Variants in RYR2 observed in about 807,000 individuals in gnomAD.
RYR2 encodes ryanodine receptor 2, also known as cardiac muscle ryanodine receptor-calcium release channel.
RYR2 carries 227 observed loss-of-function variants against 601.1 expected under a neutral mutation model. The observed-to-expected ratio is 0.38, with a 90% CI of 0.34 to 0.42. The LOEUF (loss-of-function observed/expected upper bound fraction) is 0.42, where lower values mean the gene tolerates loss of function less well. Among genes scored for constraint, RYR2 ranks in the 10% least tolerant of loss-of-function variants. The probability of loss-of-function intolerance (pLI) is 1.00; values close to 1 mark genes in which losing one functional copy is unlikely to be tolerated. For synonymous variants in RYR2, 2,223 were observed against 2,175.1 expected (o/e 1.02, Z -0.61); for missense variants, 4,646 against 6,156.5 (o/e 0.75, Z 8.21).
chr1:237,064,533 A>G (rs943456834), intron 1 of RYR2, among the ~76,000 whole-genome samples: 7 of 152,078 alleles, frequency 4.6e-5, no homozygotes, highest in Non-Finnish European at 2.9e-5. Context: ...TATTGGACAT[A>G]ATGTAAGAAA....
chr1:237,663,781 T>C (rs999254846), intron 56 of RYR2, among the ~76,000 whole-genome samples: 3 of 152,204 alleles, frequency 2.0e-5, no homozygotes, highest in Non-Finnish European at 2.9e-5. Context: ...ATGTCCTTTG[T>C]TTACCATGAA....
intron 84 of RYR2, among the ~76,000 whole-genome samples, chr1:237,766,794 T>G (rs188187162): frequency 1.7e-3 from 263 of 152,342 alleles, no homozygotes; most frequent in African/African-American, 5.7e-3. Context: ...TGTACTTTAA[T>G]TCTGTTATCC....
chr1:237,735,986 TAAA>T (rs894495621), intron 79 of RYR2, among the ~76,000 whole-genome samples: 16 of 152,260 alleles, frequency 1.1e-4, no homozygotes, highest in African/African-American at 3.4e-4. Context: ...TAAAGTAACA[TAAA>T]AATATATGCC....
chr1:237,815,901 C>G (rs933543913), intron 100 of RYR2, among the ~76,000 whole-genome samples: 2 of 152,142 alleles, frequency 1.3e-5, no homozygotes, highest in African/African-American at 4.8e-5. Context: ...ACAAACACCT[C>G]TATGGGAAGC....
chr1:237,546,993 A>ATATATATATATTTATT (rs746133377), intron 25 of RYR2, among the ~76,000 whole-genome samples: 20 of 127,398 alleles, frequency 1.6e-4, no homozygotes, highest in African/African-American at 4.5e-4. Context: ...ATATATATAT[A>ATATATATATATTTATT]TATTTATTTA....
chr1:237,584,656 T>TTTTTTTG (rs1559066715), intron 29 of RYR2, among the ~76,000 whole-genome samples: 3 of 38,528 alleles, frequency 7.8e-5, no homozygotes, highest in African/African-American at 2.3e-4. Flanking sequence ...CCTGTTTTTT[T>TTTTTTTG]TTTTTTTTTT....
At position 237,708,936 on chromosome 1, in the gene RYR2, A is replaced by G; in HGVS notation, c.9980A>G (p.Lys3327Arg). 6.2e-7 allele frequency: 1 copy of G among 1,613,510 alleles called. No individual in the cohort carries two copies. The highest frequency in any genetic ancestry group is 1.7e-4 in the Middle Eastern group (1 of 6,056). ...THFLPLMEKL[K>R]KKAATVVSEE... is the part of the protein sequence containing the mutation. ...TTCTTGCCGTTAATGGAGAAACTCA[A>G]GAAAAAGGCAGCTACGGTGGTGTCT... Residue 3327 changes from lysine to arginine, a missense_variant, in exon 69 of 105, where the codon AAG (lysine) becomes AGG (arginine). Lys to Arg is a conservative substitution (Grantham distance 26). Coordinates refer to ENST00000366574, the MANE Select transcript of RYR2 (RefSeq NM_001035.3).
chr1:237,680,054 A>G (rs559775898), intron 61 of RYR2, among the ~76,000 whole-genome samples: 1 of 152,308 alleles, frequency 6.6e-6, no homozygotes, highest in East Asian at 1.9e-4. Flanking sequence ...TAATACCCAT[A>G]ATGCAGGGAT....
intron 2 of RYR2, among the ~76,000 whole-genome samples, chr1:237,306,790 T>C (rs534415094): frequency 1.3e-5 from 2 of 152,166 alleles, no homozygotes; most frequent in Non-Finnish European, 2.9e-5. Context: ...TTGAAGAATT[T>C]GGGGCATGAA....
intron 1 of RYR2, among the ~76,000 whole-genome samples, chr1:237,245,537 A>G (rs1007825970): frequency 6.6e-6 from 1 of 152,146 alleles, no homozygotes; most frequent in Non-Finnish European, 1.5e-5. Flanking sequence ...GCTGTCAAAA[A>G]CAAATCCTCC....
At chr1:237,198,788 G>T (rs559128892) in intron 1 of RYR2, among the ~76,000 whole-genome samples, 3 of 151,382 alleles carry the variant, frequency 2.0e-5, no homozygotes, top group Non-Finnish European at 2.9e-5. Flanking sequence ...ACTTGCAAAG[G>T]ATTCAGAAAA....
intron 81 of RYR2, 123 bp from the exon 82 acceptor site, chr1:237,757,574 T>C (rs948654027): frequency 7.8e-6 from 5 of 638,810 alleles, no homozygotes; most frequent in South Asian, 2.0e-5. Flanking sequence ...AGTCTCCCTA[T>C]GCCATTAAAC....
At chr1:237,228,105 G>A (rs1684597378) in intron 1 of RYR2, among the ~76,000 whole-genome samples, 1 of 151,996 alleles carries the variant, frequency 6.6e-6, no homozygotes, top group South Asian at 2.1e-4. Flanking sequence ...CCAATTTGTA[G>A]TCTTCTATCC....
At chr1:237,126,991 C>G (rs1038145601) in intron 1 of RYR2, among the ~76,000 whole-genome samples, 53 of 151,870 alleles carry the variant, frequency 3.5e-4, no homozygotes, top group East Asian at 2.5e-3. Context: ...TGACTCTTAA[C>G]GAGCATGCTG....
intron 17 of RYR2, among the ~76,000 whole-genome samples, chr1:237,490,197 A>T (rs1320785999): frequency 6.6e-6 from 1 of 152,180 alleles, no homozygotes; most frequent in Non-Finnish European, 1.5e-5. Flanking sequence ...AGGGGGATCG[A>T]ACAAGGGTTG....
rs1558415774 is a variant in RYR2 at position 237,788,129 on chromosome 1, A to G, written c.13470A>G (p.Lys4490=). The G allele has an allele frequency of 6.2e-7, 1 of 1,608,768 alleles. No homozygotes were observed. Among genetic ancestry groups the G allele is most frequent in the Non-Finnish European group, 8.5e-7 (1 of 1,177,068 alleles). ...FWKKIIAYQQ[K]LLNYFARNFY... Reference sequence around the variant, plus strand: ...AGAAAATCATAGCATATCAACAGAAACTTCTAGTAAGATGTTTTAGAATGA... The same window carrying G: ...AGAAAATCATAGCATATCAACAGAAGCTTCTAGTAAGATGTTTTAGAATGA... The change falls in exon 92 of 105, where the codon AAA becomes AAG. Residue 4490 remains lysine (K), a synonymous_variant. Coordinates refer to ENST00000366574, the MANE Select transcript of RYR2 (RefSeq NM_001035.3).
intron 78 of RYR2, among the ~76,000 whole-genome samples, chr1:237,733,490 A>G (rs182843939): frequency 6.6e-6 from 1 of 152,336 alleles, no homozygotes; most frequent in East Asian, 1.9e-4. Context: ...TCTGTAAGGT[A>G]AGATGGGACA....
intron 53 of RYR2, among the ~76,000 whole-genome samples, chr1:237,656,728 T>C (rs1159822633): frequency 6.6e-6 from 1 of 152,158 alleles, no homozygotes; most frequent in African/African-American, 2.4e-5. Flanking sequence ...TGCTTGGGAG[T>C]TCAACTTTGA....
At chr1:237,719,966 C>G (rs972587159) in intron 73 of RYR2, among the ~76,000 whole-genome samples, 1 of 152,164 alleles carries the variant, frequency 6.6e-6, no homozygotes, top group Non-Finnish European at 1.5e-5. Context: ...GTGAGTTTAC[C>G]TAAGGAGAAG....
Sources: allele counts gnomAD v4.1 joint callset (sites outside exome capture counted in the v4.1 genomes callset), GRCh38; gene constraint gnomAD v4.1.1; transcripts MANE v1.5; gene names NCBI Gene and HGNC (gene_info 2026-07-23, HGNC 2026-07-21).